Variants in PPP6R3 observed in about 807,000 individuals in gnomAD.
The protein encoded by PPP6R3 is protein phosphatase 6 regulatory subunit 3, also known as serine/threonine-protein phosphatase 6 regulatory subunit 3.
PPP6R3 carries 38 observed loss-of-function variants against 110.7 expected under a neutral mutation model. That is an observed-to-expected ratio of 0.34 (90% confidence interval 0.26 to 0.45). The LOEUF is 0.45. Ranked by LOEUF, PPP6R3 falls within the 20% of genes least tolerant of loss-of-function variation. PPP6R3 has a pLI of 1.00. For missense variants in PPP6R3, 870 were observed against 1,062.4 expected (o/e 0.82, Z 2.52); for synonymous variants, 369 against 373.5 (o/e 0.99, Z 0.14).
At position 68,563,289 on chromosome 11, in the gene PPP6R3, A is replaced by C. The variant is rs146846791; in HGVS notation, c.846-1014A>C. Among the ~76,000 whole-genome samples, 1,198 of 152,286 alleles carry C rather than the reference A, an allele frequency of 7.9e-3. 19 individuals are homozygous for C. Among genetic ancestry groups the C allele is most frequent in the African/African-American group, 0.027 (1,134 of 41,558 alleles). ...TGGTGGTGCTAGATTCCTTTCAGAG[A>C]TACTAAGGCATTCCTCTTCCAGCTT... On this transcript the variant is annotated intron_variant, in intron 8 of 23. Transcript: ENST00000393800.
intron 14 of PPP6R3, among the ~76,000 whole-genome samples, chr11:68,579,465 A>G (rs1234997755): frequency 6.6e-6 from 1 of 152,234 alleles, no homozygotes; most frequent in Non-Finnish European, 1.5e-5. Flanking sequence ...CTAGCTTGGC[A>G]AGAGTGTTAT....
At chr11:68,487,985 A>G (rs1183705588) in intron 1 of PPP6R3, among the ~76,000 whole-genome samples, 1 of 152,126 alleles carries the variant, frequency 6.6e-6, no homozygotes, top group Non-Finnish European at 1.5e-5. Flanking sequence ...ATAATAGTAG[A>G]TTCATCTATT....
At chr11:68,524,029 A>G (rs2153588399) in intron 2 of PPP6R3, among the ~76,000 whole-genome samples, 1 of 152,254 alleles carries the variant, frequency 6.6e-6, no homozygotes, top group Non-Finnish European at 1.5e-5. Flanking sequence ...TGTACCTTTT[A>G]TATCCAATGG....
At chr11:68,585,619 A>G (rs1158806881) in intron 15 of PPP6R3, among the ~76,000 whole-genome samples, 1 of 152,196 alleles carries the variant, frequency 6.6e-6, no homozygotes, top group Non-Finnish European at 1.5e-5. Context: ...ATATATTTGT[A>G]AGTTTTGGTA....
chr11:68,523,709 C>A (rs2099177910), intron 2 of PPP6R3, among the ~76,000 whole-genome samples: 1 of 1,098 alleles, frequency 9.1e-4, no homozygotes, highest in African/African-American at 2.9e-3. Context: ...GCCCCCCTGC[C>A]CCCCCCCCCC....
intron 2 of PPP6R3, among the ~76,000 whole-genome samples, chr11:68,530,129 T>C (rs901246334): frequency 5.9e-5 from 9 of 152,236 alleles, no homozygotes; most frequent in African/African-American, 2.2e-4. Context: ...GTTTTTTACT[T>C]TTTTGATGTG....
intron 20 of PPP6R3, 69 bp from the exon 21 acceptor site, chr11:68,601,794 A>C: frequency 5.4e-6 from 7 of 1,287,212 alleles, no homozygotes; most frequent in Non-Finnish European, 7.8e-6. Context: ...GTAAAGGCTT[A>C]TTGTGAATCT....
At chr11:68,552,290 G>A (rs746381136) in intron 6 of PPP6R3, among the ~76,000 whole-genome samples, 11 of 152,312 alleles carry the variant, frequency 7.2e-5, no homozygotes, top group Admixed American at 2.6e-4. Flanking sequence ...ATGGGAGAGC[G>A]AGCACAGCAG....
At chr11:68,477,741 A>AAAAAAAAAATATATATAT in intron 1 of PPP6R3, among the ~76,000 whole-genome samples, 2 of 57,906 alleles carry the variant, frequency 3.5e-5, no homozygotes, top group African/African-American at 1.4e-4. Flanking sequence ...AAAAAAAAAA[A>AAAAAAAAAATATATATAT]ATATATATAT....
intron 1 of PPP6R3, among the ~76,000 whole-genome samples, chr11:68,506,729 C>T (rs191838703): frequency 2.0e-5 from 3 of 152,350 alleles, no homozygotes; most frequent in African/African-American, 4.8e-5. Flanking sequence ...TCATCTTCCC[C>T]ATTCCTCTCA....
chr11:68,497,021 C>T (rs1428420433), intron 1 of PPP6R3, among the ~76,000 whole-genome samples: 1 of 150,016 alleles, frequency 6.7e-6, no homozygotes, highest in African/African-American at 2.5e-5. Flanking sequence ...ACCTCCACGC[C>T]CGGCTAATTT....
At chr11:68,603,527 G>A in intron 22 of PPP6R3, 35 bp downstream of exon 22, 1 of 1,612,838 alleles carries the variant, frequency 6.2e-7, no homozygotes, top group African/African-American at 1.3e-5. Flanking sequence ...GTAGCTTCAG[G>A]TTATTGGGAG....
intron 2 of PPP6R3, among the ~76,000 whole-genome samples, chr11:68,530,584 C>T (rs1025076317): frequency 1.3e-5 from 2 of 152,300 alleles, no homozygotes; most frequent in East Asian, 1.9e-4. Flanking sequence ...TTCGGTGTTG[C>T]TATCTTGAGG....
intron 14 of PPP6R3, among the ~76,000 whole-genome samples, chr11:68,582,224 A>C (rs530182467): frequency 5.9e-5 from 9 of 152,250 alleles, no homozygotes. Flanking sequence ...GCAGAAATAT[A>C]GTACTTCTTT....
chr11:68,540,489 C>G (rs574435427), intron 3 of PPP6R3, among the ~76,000 whole-genome samples: 1 of 152,052 alleles, frequency 6.6e-6, no homozygotes, highest in Non-Finnish European at 1.5e-5. Flanking sequence ...ATCACAGGAC[C>G]GGGGCAAAAT....
At chr11:68,553,629 G>T (rs1199524491) in intron 6 of PPP6R3, among the ~76,000 whole-genome samples, 1 of 152,034 alleles carries the variant, frequency 6.6e-6, no homozygotes, top group East Asian at 1.9e-4. Flanking sequence ...AAAAGTATGT[G>T]CATCCTTCTA....
chr11:68,543,892 G>A (rs2099332383), intron 3 of PPP6R3, among the ~76,000 whole-genome samples: 1 of 152,180 alleles, frequency 6.6e-6, no homozygotes, highest in Non-Finnish European at 1.5e-5. Flanking sequence ...GTTTGCAGAG[G>A]GTCAGTGGTC....
At chr11:68,499,577 T>C (rs903488835) in intron 1 of PPP6R3, among the ~76,000 whole-genome samples, 1 of 152,090 alleles carries the variant, frequency 6.6e-6, no homozygotes, top group Non-Finnish European at 1.5e-5. Flanking sequence ...CATTGTGGAC[T>C]TCTAAAAAAG....
intron 3 of PPP6R3, among the ~76,000 whole-genome samples, chr11:68,542,980 A>AGT (rs1254758665): frequency 1.3e-5 from 2 of 152,254 alleles, no homozygotes; most frequent in Admixed American, 1.3e-4. Context: ...AAGACAGTTG[A>AGT]GTGAGTGCAT....
Sources: gnomAD v4.1 joint callset for allele counts (sites outside exome capture counted in the v4.1 genomes callset) on GRCh38, gnomAD v4.1.1 for gene constraint, MANE v1.5 for transcripts, NCBI Gene and HGNC (gene_info 2026-07-23, HGNC 2026-07-21) for gene names.